The following SETDB2 variants were observed in gnomAD, a reference collection of about 807,000 sequenced individuals.
The protein encoded by SETDB2 is histone-lysine N-methyltransferase SETDB2.
A neutral mutation model predicts 82.5 loss-of-function variants in SETDB2; 56 were observed. The observed-to-expected ratio is 0.68, with a 90% CI of 0.55 to 0.85. The LOEUF is 0.85. Ranked by LOEUF, SETDB2 falls within the 40% of genes least tolerant of loss-of-function variation. The probability of loss-of-function intolerance (pLI) is 0.00; values close to 1 mark genes in which losing one functional copy is unlikely to be tolerated. For synonymous variants in SETDB2, 272 were observed against 284.9 expected (o/e 0.95, Z 0.46); for missense variants, 677 against 816.4 (o/e 0.83, Z 2.08).
intron 2 of SETDB2, among the ~76,000 whole-genome samples, chr13:49,456,389 C>G (rs1030072382): frequency 6.6e-6 from 1 of 152,108 alleles, no homozygotes; most frequent in Admixed American, 6.5e-5. Context: ...TACTTGGCGT[C>G]CTTCATTACA....
intron 4 of SETDB2, among the ~76,000 whole-genome samples, chr13:49,465,990 A>G (rs183425435): frequency 6.6e-6 from 1 of 152,328 alleles, no homozygotes; most frequent in East Asian, 1.9e-4. Flanking sequence ...GAACAGGATT[A>G]CAGCATTTTT....
At chr13:49,454,932 G>A (rs1490818095) in intron 2 of SETDB2, among the ~76,000 whole-genome samples, 1 of 151,940 alleles carries the variant, frequency 6.6e-6, no homozygotes, top group Admixed American at 6.6e-5. Context: ...AAGAGCTTTT[G>A]TTTATGTGGG....
chr13:49,477,921 A>G (rs1057507521), intron 6 of SETDB2, among the ~76,000 whole-genome samples: 6 of 152,336 alleles, frequency 3.9e-5, no homozygotes, highest in South Asian at 2.1e-4. Flanking sequence ...AAATGAAAAC[A>G]TGTTCTAATA....
At chr13:49,461,230 TTAATA>T in intron 4 of SETDB2, 68 bp downstream of exon 4, 1 of 1,066,396 alleles carries the variant, frequency 9.4e-7, no homozygotes, top group South Asian at 1.5e-5. Flanking sequence ...CAGGATAGCT[TTAATA>T]TGTTGGGCTA....
At chr13:49,460,302 T>G in intron 3 of SETDB2, 70 bp downstream of exon 3, 1 of 1,437,110 alleles carries the variant, frequency 7.0e-7, no homozygotes, top group Non-Finnish European at 9.4e-7. Context: ...AGTATCATTC[T>G]ATTTCCAATA....
At position 49,444,357 on chromosome 13, in the gene SETDB2, T is replaced by C. The variant is rs961719613; in HGVS notation, c.-842T>C. On this transcript the variant is annotated 5_prime_UTR_variant, in exon 1 of 14. Transcript: ENST00000611815. The stretch of plus-strand genomic sequence containing the variant: ...TGAAGGCTAGTAAATGGTGAAGTAC[T>C]TCCCGGCCAGAGGGCACCTGCGCTC... 3.2e-5 allele frequency: 7 copies of C among 218,492 alleles called. No homozygotes were observed. The highest frequency in any genetic ancestry group is 5.7e-5 in the Non-Finnish European group (6 of 105,274). The allele number at this position is 218,492 out of a possible 1,614,324, so 13.5% of individuals were successfully genotyped here.
chr13:49,461,280 C>A, intron 4 of SETDB2, 118 bp downstream of exon 4: 1 of 673,364 alleles, frequency 1.5e-6, no homozygotes, highest in African/African-American at 1.8e-5. Context: ...CTAACATCCA[C>A]ATTTCTAAGT....
chr13:49,462,947 G>A (rs912813447), intron 4 of SETDB2, among the ~76,000 whole-genome samples: 10 of 152,128 alleles, frequency 6.6e-5, no homozygotes, highest in African/African-American at 2.2e-4. Context: ...GGGGATGAGG[G>A]CTGTAACAAA....
At chr13:49,480,725 T>A (rs1188091125) in intron 7 of SETDB2, among the ~76,000 whole-genome samples, 1 of 152,084 alleles carries the variant, frequency 6.6e-6, no homozygotes, top group African/African-American at 2.4e-5. Context: ...TGTCATATAA[T>A]CCCCATTTTA....
intron 2 of SETDB2, among the ~76,000 whole-genome samples, chr13:49,455,145 C>G (rs116560361): frequency 2.5e-3 from 382 of 152,196 alleles, no homozygotes; most frequent in African/African-American, 8.6e-3. Flanking sequence ...TTATTAGATT[C>G]TTATATCTGC....
chr13:49,463,569 A>G (rs1470607426), intron 4 of SETDB2, among the ~76,000 whole-genome samples: 1 of 152,196 alleles, frequency 6.6e-6, no homozygotes, highest in Non-Finnish European at 1.5e-5. Flanking sequence ...AAATTGTGAC[A>G]GGTTCATAAC....
intron 2 of SETDB2, among the ~76,000 whole-genome samples, chr13:49,458,104 A>G (rs1438497809): frequency 6.6e-6 from 1 of 152,228 alleles, no homozygotes; most frequent in African/African-American, 2.4e-5. Flanking sequence ...TATTTTCCTC[A>G]TTAAGCTGAT....
intron 2 of SETDB2, 64 bp from the exon 3 acceptor site, chr13:49,460,043 G>T: frequency 6.6e-7 from 1 of 1,509,020 alleles, no homozygotes. Flanking sequence ...TCTATAACAT[G>T]TTCTTAGATA....
intron 11 of SETDB2, among the ~76,000 whole-genome samples, chr13:49,487,775 C>A (rs1958625443): frequency 1.3e-5 from 2 of 152,200 alleles, no homozygotes; most frequent in South Asian, 4.1e-4. Flanking sequence ...TAGTAAAACA[C>A]CAAACACTAA....
chr13:49,481,019 T>A lies in SETDB2; in HGVS notation c.1059T>A (p.Pro353=). ...AAAACCGAGTTGTCCAACATGGTCCTCAAGTGAGGTTACAGGTGTTCAAAA... is the reference window on the plus strand; with the variant it reads ...AAAACCGAGTTGTCCAACATGGTCCACAAGTGAGGTTACAGGTGTTCAAAA... ...LCQNRVVQHG[P]QVRLQVFKTE... is the part of the protein sequence containing the mutation. Residue 353 remains proline, a synonymous_variant, in exon 8 of 14, where the codon CCT becomes CCA. Transcript: ENST00000611815. The A allele has an allele frequency of 6.2e-7, 1 of 1,614,218 alleles. No individual in the cohort carries two copies. Among genetic ancestry groups the A allele is most frequent in the South Asian group, 1.1e-5 (1 of 91,082 alleles).
chr13:49,452,352 C>A (rs1957802484), intron 2 of SETDB2, among the ~76,000 whole-genome samples: 1 of 152,168 alleles, frequency 6.6e-6, no homozygotes, highest in African/African-American at 2.4e-5. Flanking sequence ...ACCTCATGAT[C>A]TGTCCACCTT....
chr13:49,478,902 G>A (rs944335643), intron 6 of SETDB2, among the ~76,000 whole-genome samples: 5 of 152,116 alleles, frequency 3.3e-5, no homozygotes, highest in African/African-American at 1.2e-4. Flanking sequence ...ACTCCAGCCT[G>A]GGCAACAGAG....
At chr13:49,464,025 A>G (rs768315343) in intron 4 of SETDB2, 11 of 770,636 alleles carry the variant, frequency 1.4e-5, no homozygotes, top group Middle Eastern at 4.5e-4. Flanking sequence ...TCACAGGAGC[A>G]TCACAGAAAG....
chr13:49,483,084 T>A, intron 9 of SETDB2, 122 bp downstream of exon 9: 1 of 667,864 alleles, frequency 1.5e-6, no homozygotes, highest in Non-Finnish European at 2.5e-6. Flanking sequence ...TCAAAGTTGT[T>A]AAGTCTAACA....
Sources: allele counts gnomAD v4.1 joint callset (sites outside exome capture counted in the v4.1 genomes callset), GRCh38; gene constraint gnomAD v4.1.1; transcripts MANE v1.5; gene names NCBI Gene and HGNC (gene_info 2026-07-23, HGNC 2026-07-21).